CUL3: variants seen among roughly 807,000 people sequenced by gnomAD.
CUL3 encodes the protein cullin-3.
A neutral mutation model predicts 89.1 loss-of-function variants in CUL3; 19 were observed. The ratio of observed to expected loss-of-function variants is 0.21; its 90% CI spans 0.15 to 0.31. The LOEUF is 0.31. Ranked by LOEUF, CUL3 falls within the 10% of genes least tolerant of loss-of-function variation. The pLI is 1.00. For missense variants in CUL3, 469 were observed against 942.3 expected (o/e 0.50, Z 6.58); for synonymous variants, 351 against 308.4 (o/e 1.14, Z -1.45).
In CUL3 at chr2:224,513,557, A is replaced by T. The variant is rs1454395031; in HGVS notation, c.621T>A (p.Ala207=). Residue 207 remains alanine (A), a synonymous_variant, in exon 5 of 16, where the codon GCT becomes GCA. Transcript: ENST00000264414. ...ATTCTGCAGACATTTCCAAAAAAGG[A>T]GCCTCAAAATCTTCTTCATAGACTG... The part of the protein sequence containing the change: ...GRSVYEEDFE[A]PFLEMSAEFF... 6.3e-7 allele frequency: 1 copy of T among 1,598,700 alleles called. No individual in the cohort carries two copies. The highest frequency in any genetic ancestry group is 8.5e-7 in the Non-Finnish European group (1 of 1,175,970).
rs1206217816 is a variant in CUL3 at position 224,582,919 on chromosome 2, A to G, written c.66+2025T>C. Among the ~76,000 whole-genome samples, 3 of 152,240 alleles carry G rather than the reference A, an allele frequency of 2.0e-5. No homozygotes were observed. In the East Asian group the frequency reaches 5.8e-4, roughly 29 times the overall value. On this transcript the variant is annotated intron_variant, in intron 1 of 15. Coordinates refer to ENST00000264414, the MANE Select transcript of CUL3 (RefSeq NM_003590.5). ...GCAGGGAAACCTGAAGAGGTCAAAG[A>G]GTTTAATTACACATACATTAACGTA...
intron 13 of CUL3, among the ~76,000 whole-genome samples, chr2:224,489,740 A>G (rs1691883583): frequency 6.6e-6 from 1 of 152,108 alleles, no homozygotes; most frequent in African/African-American, 2.4e-5. Context: ...AAGACCCAAA[A>G]CCATAAAAAC....
chr2:224,574,035 T>C (rs1695244761), intron 1 of CUL3, among the ~76,000 whole-genome samples: 1 of 152,204 alleles, frequency 6.6e-6, no homozygotes, highest in African/African-American at 2.4e-5. Context: ...AGGCTAAGTG[T>C]TGCTCAGTTA....
chr2:224,546,048 A>C (rs1430521859), intron 2 of CUL3, among the ~76,000 whole-genome samples: 1 of 152,200 alleles, frequency 6.6e-6, no homozygotes, highest in Non-Finnish European at 1.5e-5. Flanking sequence ...ATAGCTTTTT[A>C]CTTACTGGTT....
At chr2:224,505,161 G>T (rs1692550729) in intron 8 of CUL3, among the ~76,000 whole-genome samples, 1 of 149,710 alleles carries the variant, frequency 6.7e-6, no homozygotes, top group Non-Finnish European at 1.5e-5. Flanking sequence ...TTTTGAGACG[G>T]AGTTTCGCTA....
chr2:224,571,805 G>T (rs1386194912), intron 1 of CUL3, among the ~76,000 whole-genome samples: 1 of 152,070 alleles, frequency 6.6e-6, no homozygotes, highest in Non-Finnish European at 1.5e-5. Context: ...TCAAACAAAG[G>T]CCACAGGAAA....
intron 2 of CUL3, among the ~76,000 whole-genome samples, chr2:224,546,552 C>A (rs1019954600): frequency 2.6e-5 from 4 of 152,040 alleles, no homozygotes; most frequent in Admixed American, 2.6e-4. Context: ...TTTCAACAGA[C>A]AACTGAGTGC....
At chr2:224,504,051 T>C (rs763877073) in intron 8 of CUL3, 2 of 382,108 alleles carry the variant, frequency 5.2e-6, no homozygotes, top group African/African-American at 2.0e-5. Flanking sequence ...GGAATTCTAT[T>C]CCGTAGAGGG....
intron 3 of CUL3, among the ~76,000 whole-genome samples, chr2:224,526,604 A>AG (rs1693487297): frequency 6.6e-6 from 1 of 150,542 alleles, no homozygotes; most frequent in Non-Finnish European, 1.5e-5. Context: ...AAAAAAAAAA[A>AG]AAAAAAAGAA....
At chr2:224,577,208 G>C (rs1315919974) in intron 1 of CUL3, among the ~76,000 whole-genome samples, 2 of 152,136 alleles carry the variant, frequency 1.3e-5, no homozygotes, top group African/African-American at 2.4e-5. Flanking sequence ...CTGTAAGGTG[G>C]GTCTCATTAG....
chr2:224,511,342 G>T lies in CUL3; in HGVS notation c.883+12C>A, dbSNP rs762603284. On this transcript the variant is annotated intron_variant, in intron 6 of 15. Coordinates refer to ENST00000264414, the MANE Select transcript of CUL3 (RefSeq NM_003590.5). Reference sequence around the variant, plus strand: ...GTAAGGATTTAATTATTTTTCAATCGGTAACACTTACCTTCTGTCTTTCCA... The same window carrying T: ...GTAAGGATTTAATTATTTTTCAATCTGTAACACTTACCTTCTGTCTTTCCA... 3 of 1,536,474 alleles carry T rather than the reference G, an allele frequency of 2.0e-6. No homozygotes were observed. Among genetic ancestry groups the T allele is most frequent in the East Asian group, 4.6e-5 (2 of 43,472 alleles).
rs79735360 is a variant in CUL3, at chr2:224,541,628, G to C, written c.265-5987C>G. Among the ~76,000 whole-genome samples, 383 of 152,292 alleles carry C rather than the reference G, an allele frequency of 2.5e-3. 4 individuals carry two copies. Among genetic ancestry groups the C allele is most frequent in the African/African-American group, 8.8e-3 (364 of 41,554 alleles). ...AAATCACACACAAATGTTCATAGCA[G>C]CTCTACTCACAACCACAAAATGTCT... On this transcript the variant is annotated intron_variant, in intron 2 of 15. Coordinates refer to ENST00000264414, the MANE Select transcript of CUL3 (RefSeq NM_003590.5).
chr2:224,486,074 GAAA>G (rs1211425429), intron 13 of CUL3, among the ~76,000 whole-genome samples: 1 of 152,194 alleles, frequency 6.6e-6, no homozygotes, highest in Non-Finnish European at 1.5e-5. Context: ...CAACATCAAC[GAAA>G]AGAATGCCCA....
At chr2:224,573,369 CT>C (rs1257313541) in intron 1 of CUL3, among the ~76,000 whole-genome samples, 9 of 152,106 alleles carry the variant, frequency 5.9e-5, no homozygotes, top group African/African-American at 2.2e-4. Context: ...AATAATAAGC[CT>C]TTCTTACAGG....
intron 2 of CUL3, among the ~76,000 whole-genome samples, chr2:224,552,353 G>A (rs532816396): frequency 7.9e-5 from 12 of 152,228 alleles, no homozygotes; most frequent in African/African-American, 2.4e-4. Flanking sequence ...ATTTTGCCTT[G>A]TGGTCTTGAG....
Position 224,497,762 on chromosome 2 carries a change from T to C in CUL3, c.1698A>G (p.Pro566=). 1 of 1,611,920 alleles carries C rather than the reference T, an allele frequency of 6.2e-7. No homozygotes were observed. The highest frequency in any genetic ancestry group is 1.1e-5 in the South Asian group (1 of 91,012). ...SADLNATFYG[P]VKKEDGSEVG... is the part of the protein sequence containing the mutation. ...AACTATCAATATTTACCTTTTTAAC[T>C]GGTCCATAAAATGTGGCATTGAGAT... Residue 566 remains proline (P), a synonymous_variant, in exon 12 of 16, where the codon CCA becomes CCG. Transcript: ENST00000264414.
In CUL3 at chr2:224,559,139, C is replaced by T. The variant is rs537387791; in HGVS notation, c.67-1283G>A. 1.2e-3 allele frequency among the ~76,000 whole-genome samples: 181 copies of T among 152,112 alleles called. 1 individual carries two copies. Among genetic ancestry groups the T allele is most frequent in the Non-Finnish European group, 1.7e-3 (116 of 67,974 alleles). Reference sequence around the variant, plus strand: ...AATTTTTCCTCTGGTAGATAATTTCCATTCATACTGAAAACTGTCAGTTTC... The same window carrying T: ...AATTTTTCCTCTGGTAGATAATTTCTATTCATACTGAAAACTGTCAGTTTC... On this transcript the variant is annotated intron_variant, in intron 1 of 15. Transcript: ENST00000264414.
chr2:224,555,592 AC>A, intron 2 of CUL3, among the ~76,000 whole-genome samples: 1 of 152,228 alleles, frequency 6.6e-6, no homozygotes, highest in African/African-American at 2.4e-5. Context: ...CTGTTCCCAA[AC>A]CATCTTTGTA....
At position 224,474,149 on chromosome 2, in the gene CUL3, G is replaced by A. The variant is rs1362578549; in HGVS notation, c.*96C>T. 1.6e-6 allele frequency: 2 copies of A among 1,275,810 alleles called. No individual in the cohort carries two copies. Among genetic ancestry groups the A allele is most frequent in the Admixed American group, 4.4e-5 (2 of 45,158 alleles). The allele number at this position is 1,275,810 out of a possible 1,614,324, so 79.0% of individuals were successfully genotyped here. ...CTAGAACATGTACTGTAATTTAATA[G>A]AAGAGATGGTCGTCTTAATATTTAA... On this transcript the variant is annotated 3_prime_UTR_variant, in exon 16 of 16. Coordinates refer to ENST00000264414, the MANE Select transcript of CUL3 (RefSeq NM_003590.5).
Sources: allele counts gnomAD v4.1 joint callset (sites outside exome capture counted in the v4.1 genomes callset), GRCh38; gene constraint gnomAD v4.1.1; transcripts MANE v1.5; gene names NCBI Gene and HGNC (gene_info 2026-07-23, HGNC 2026-07-21).